ARB2A: variants seen among roughly 807,000 people sequenced by gnomAD.
ARB2A encodes ARB2 cotranscriptional regulator A, also known as cotranscriptional regulator ARB2A.
chr5:93,936,714 AC>A, the ARB2A span, among the ~76,000 whole-genome samples: 1 of 152,176 alleles, frequency 6.6e-6, no homozygotes, highest in African/African-American at 2.4e-5. Context: ...TTTCTTTTAA[AC>A]CTTTTTATGA....
At chr5:93,828,122 T>A in the ARB2A span, among the ~76,000 whole-genome samples, 1 of 152,200 alleles carries the variant, frequency 6.6e-6, no homozygotes, top group African/African-American at 2.4e-5. Context: ...TTTCCAATTC[T>A]GTGAAGAAAG....
chr5:93,739,346 A>G, the ARB2A span: 7 of 152,194 alleles, frequency 4.6e-5, no homozygotes, highest in Admixed American at 3.3e-4. Context: ...AGAAGAATGA[A>G]GTAAAAATTA....
the ARB2A span, among the ~76,000 whole-genome samples, chr5:93,947,582 T>C: frequency 2.6e-5 from 4 of 151,288 alleles, no homozygotes; most frequent in Non-Finnish European, 5.9e-5. Context: ...TAGTTACGTA[T>C]GTATACATGT....
At chr5:94,050,668 A>T in the ARB2A span, 1 of 1,305,356 alleles carries the variant, frequency 7.7e-7, no homozygotes, top group Non-Finnish European at 1.1e-6. Context: ...TGCATCTTCA[A>T]AACTTTTATT....
the ARB2A span, among the ~76,000 whole-genome samples, chr5:93,706,615 C>T: frequency 6.6e-6 from 1 of 152,096 alleles, no homozygotes; most frequent in East Asian, 1.9e-4. Context: ...CGTCTGTAAT[C>T]CCAGGACTTT....
At chr5:93,710,427 T>C in the ARB2A span, among the ~76,000 whole-genome samples, 2 of 152,336 alleles carry the variant, frequency 1.3e-5, no homozygotes, top group East Asian at 1.9e-4. Context: ...GTCCTGATTA[T>C]GATTAATGTA....
the ARB2A span, among the ~76,000 whole-genome samples, chr5:93,897,827 C>CA: frequency 8.5e-4 from 121 of 142,548 alleles, no homozygotes; most frequent in Middle Eastern, 0.014. Flanking sequence ...ATTATAGGGT[C>CA]AAAAAAAAAA....
chr5:93,634,782 C>T, the ARB2A span, among the ~76,000 whole-genome samples: 35 of 149,204 alleles, frequency 2.3e-4, no homozygotes, highest in Admixed American at 2.3e-3. Flanking sequence ...CTCATTTTCT[C>T]TTTTTTTTTT....
At chr5:93,709,564 C>T in the ARB2A span, among the ~76,000 whole-genome samples, 255 of 129,014 alleles carry the variant, frequency 2.0e-3, 1 homozygote, top group African/African-American at 6.4e-3. Context: ...ATCCAGGAGG[C>T]GAAGGTTGCA....
the ARB2A span, among the ~76,000 whole-genome samples, chr5:94,077,984 C>A: frequency 6.6e-6 from 1 of 152,130 alleles, no homozygotes; most frequent in Non-Finnish European, 1.5e-5. Context: ...TAATCTTTAT[C>A]CAGTCAGCAT....
the ARB2A span, among the ~76,000 whole-genome samples, chr5:93,673,528 A>T: frequency 1.3e-5 from 2 of 152,208 alleles, no homozygotes; most frequent in African/African-American, 4.8e-5. Context: ...TTGGCATAGG[A>T]AAGAAGAAAG....
At chr5:93,787,348 C>T in the ARB2A span, among the ~76,000 whole-genome samples, 3 of 152,008 alleles carry the variant, frequency 2.0e-5, no homozygotes, top group African/African-American at 2.4e-5. Flanking sequence ...TTTGATACCT[C>T]GGACATCAAC....
chr5:93,898,856 G>C, the ARB2A span, among the ~76,000 whole-genome samples: 3 of 152,042 alleles, frequency 2.0e-5, no homozygotes, highest in African/African-American at 7.2e-5. Context: ...CATGTGACAT[G>C]TACATAAAGC....
chr5:94,013,177 T>G, the ARB2A span, among the ~76,000 whole-genome samples: 3 of 149,116 alleles, frequency 2.0e-5, no homozygotes, highest in South Asian at 2.2e-4. Context: ...TAAGTTGTTT[T>G]TTTTTTTTTT....
the ARB2A span, among the ~76,000 whole-genome samples, chr5:93,703,282 C>T: frequency 6.6e-6 from 1 of 152,150 alleles, no homozygotes; most frequent in East Asian, 1.9e-4. Context: ...CGAGTGTCGG[C>T]GAAGTAGTGT....
the ARB2A span, among the ~76,000 whole-genome samples, chr5:94,109,265 CAG>C: frequency 6.6e-6 from 1 of 152,114 alleles, no homozygotes; most frequent in African/African-American, 2.4e-5. Context: ...TGGCAGTTGT[CAG>C]GGGCTGAAGG....
At chr5:93,845,219 G>A in the ARB2A span, among the ~76,000 whole-genome samples, 3 of 152,184 alleles carry the variant, frequency 2.0e-5, no homozygotes, top group Non-Finnish European at 4.4e-5. Context: ...TCATCTAATA[G>A]TAGAAATATT....
At chr5:93,958,675 A>G in the ARB2A span, 3 of 809,650 alleles carry the variant, frequency 3.7e-6, no homozygotes, top group Admixed American at 6.2e-5. Context: ...CAACCCAAAG[A>G]TAAGATTATG....
the ARB2A span, among the ~76,000 whole-genome samples, chr5:94,072,278 A>T: frequency 1.8e-4 from 28 of 152,198 alleles, no homozygotes; most frequent in African/African-American, 6.5e-4. Context: ...GTGGTGGAAC[A>T]CTTCTGTATC....
Sources: gnomAD v4.1 joint callset for allele counts (sites outside exome capture counted in the v4.1 genomes callset) on GRCh38, gnomAD v4.1.1 for gene constraint, MANE v1.5 for transcripts, NCBI Gene and HGNC (gene_info 2026-07-23, HGNC 2026-07-21) for gene names.